Variants in TTLL9 observed in about 807,000 individuals in gnomAD.
TTLL9 encodes tubulin tyrosine ligase like 9.
A neutral mutation model predicts 65.6 loss-of-function variants in TTLL9; 47 were observed. The observed-to-expected ratio is 0.72, with a 90% CI of 0.57 to 0.91. The LOEUF (loss-of-function observed/expected upper bound fraction) is 0.91. Ranked by LOEUF, TTLL9 falls within the 40% of genes least tolerant of loss-of-function variation. The probability of loss-of-function intolerance (pLI) is 0.00; values close to 1 mark genes in which losing one functional copy is unlikely to be tolerated. For missense variants in TTLL9, 537 were observed against 568.8 expected (o/e 0.94, Z 0.57); for synonymous variants, 179 against 204.8 (o/e 0.87, Z 1.07).
Position 31,908,579 on chromosome 20 carries a change from C to A in TTLL9, c.207-12C>A. ...ACCATGACCTTTATCCCCGCCCCCA[C>A]CCCACCCCCAGCGAAGGGGAGTGGG... is the stretch of plus-strand genomic sequence containing the variant. On this transcript the variant is annotated splice_polypyrimidine_tract_variant and intron_variant, in intron 4 of 14. Transcript: ENST00000535842. 1.3e-6 allele frequency: 2 copies of A among 1,598,080 alleles called. No homozygotes were observed. Among genetic ancestry groups the A allele is most frequent in the Non-Finnish European group, 1.7e-6 (2 of 1,165,588 alleles).
chr20:31,919,523 C>G (rs539181303), intron 6 of TTLL9, among the ~76,000 whole-genome samples: 1 of 152,116 alleles, frequency 6.6e-6, no homozygotes, highest in African/African-American at 2.4e-5. Context: ...CGGAGCAAAC[C>G]CTAATTAGGA....
intron 2 of TTLL9, among the ~76,000 whole-genome samples, chr20:31,880,988 C>G (rs558053589): frequency 6.6e-5 from 10 of 151,400 alleles, no homozygotes; most frequent in African/African-American, 2.4e-4. Context: ...GCTGGGATTA[C>G]CTGTGTGTGC....
At chr20:31,939,906 C>T (rs1312707703) in intron 14 of TTLL9, 4 of 152,214 alleles carry the variant, frequency 2.6e-5, no homozygotes, top group Non-Finnish European at 4.4e-5. Flanking sequence ...GCTAGACTCT[C>T]CTGCCTCTTG....
chr20:31,888,671 G>A (rs2063233479), intron 3 of TTLL9, among the ~76,000 whole-genome samples: 1 of 152,086 alleles, frequency 6.6e-6, no homozygotes, highest in Non-Finnish European at 1.5e-5. Flanking sequence ...GAAAAGAGGT[G>A]TAATTGGCTC....
chr20:31,932,455 G>A (rs1474938949), intron 10 of TTLL9, among the ~76,000 whole-genome samples: 2 of 81,550 alleles, frequency 2.5e-5, no homozygotes, highest in Non-Finnish European at 2.5e-5. Flanking sequence ...CTGGGTGACA[G>A]AGCAAGACCC....
intron 1 of TTLL9, 40 bp from the exon 2 acceptor site, chr20:31,871,082 C>T: frequency 6.3e-7 from 1 of 1,576,050 alleles, no homozygotes. Context: ...TCCATTCATC[C>T]ATCCTCTCAC....
rs2064265984 is a variant in TTLL9, at chr20:31,943,788, C to T, written c.*767C>T. ...TAGGCCTTGTGTTTGAGATTGGGAG[C>T]TGAGCCAGAAACCGGAAAACCCTGG... On this transcript the variant is annotated 3_prime_UTR_variant, in exon 15 of 15. Coordinates refer to ENST00000535842, the MANE Select transcript of TTLL9 (RefSeq NM_001008409.5). 2.2e-6 allele frequency: 1 copy of T among 456,568 alleles called. No individual in the cohort carries two copies. Among genetic ancestry groups the T allele is most frequent in the African/African-American group, 2.0e-5 (1 of 50,040 alleles). 28.3% of individuals were successfully genotyped at this position (456,568 alleles called of 1,614,324 possible).
chr20:31,936,003 C>T (rs1266210205), intron 12 of TTLL9, among the ~76,000 whole-genome samples: 3 of 152,174 alleles, frequency 2.0e-5, no homozygotes, highest in African/African-American at 7.2e-5. Context: ...CCTGTTTCCT[C>T]ATTTGTAAAA....
chr20:31,901,542 G>A (rs899050504), intron 4 of TTLL9: 1 of 152,198 alleles, frequency 6.6e-6, no homozygotes, highest in African/African-American at 2.4e-5. Flanking sequence ...AATAGAATAC[G>A]AAATCCACAC....
intron 10 of TTLL9, among the ~76,000 whole-genome samples, chr20:31,931,078 CTT>C (rs60315473): frequency 1.4e-4 from 17 of 125,208 alleles, no homozygotes; most frequent in African/African-American, 3.6e-4. Context: ...TCCTCTTTTC[CTT>C]TTTTTTTTTT....
Position 31,870,781 on chromosome 20 carries a change from G to A in TTLL9, c.-174G>A. ...GGGGGATGTCGCCTAGAGCCCCCCG[G>A]CCGGCCCACAAACTCCCGTCCCCCT... On this transcript the variant is annotated 5_prime_UTR_variant, in exon 1 of 15. Coordinates refer to ENST00000535842, the MANE Select transcript of TTLL9 (RefSeq NM_001008409.5). The surrounding 1 kb of genome is among the most constrained non-coding windows in gnomAD (Gnocchi z 6.6). 2.0e-6 allele frequency: 1 copy of A among 490,018 alleles called. No homozygotes were observed. Among genetic ancestry groups the A allele is most frequent in the Non-Finnish European group, 3.5e-6 (1 of 287,992 alleles). The allele number at this position is 490,018 out of a possible 1,614,324, so 30.4% of individuals were successfully genotyped here. A position where few individuals can be genotyped will look rare whatever the true frequency, so the allele number is the denominator to read the frequency against.
intron 6 of TTLL9, among the ~76,000 whole-genome samples, chr20:31,911,653 A>G (rs1168421656): frequency 1.3e-5 from 2 of 152,218 alleles, no homozygotes. Flanking sequence ...GTGACCCACC[A>G]GGGCGGATTC....
intron 3 of TTLL9, among the ~76,000 whole-genome samples, chr20:31,890,741 A>C (rs1271522273): frequency 6.6e-6 from 1 of 152,216 alleles, no homozygotes; most frequent in Non-Finnish European, 1.5e-5. Flanking sequence ...CCTAAGTGAG[A>C]GATGAGAGAC....
intron 11 of TTLL9, 91 bp downstream of exon 11, chr20:31,933,949 G>T: frequency 7.6e-7 from 1 of 1,322,818 alleles, no homozygotes; most frequent in Non-Finnish European, 1.0e-6. Context: ...CCCAGGACAG[G>T]CCTGTCTGAG....
chr20:31,880,207 G>A (rs1600517954), intron 2 of TTLL9, among the ~76,000 whole-genome samples: 1 of 152,134 alleles, frequency 6.6e-6, no homozygotes, highest in African/African-American at 2.4e-5. Flanking sequence ...TGACCCCAGG[G>A]GAAGTTGAAC....
intron 2 of TTLL9, among the ~76,000 whole-genome samples, chr20:31,871,692 C>A (rs777462320): frequency 2.0e-5 from 3 of 152,014 alleles, no homozygotes; most frequent in Non-Finnish European, 2.9e-5. Flanking sequence ...GCCCAGAGTT[C>A]TCATAAATAC....
At chr20:31,879,768 G>T in intron 2 of TTLL9, 1 of 1,527,876 alleles carries the variant, frequency 6.5e-7, no homozygotes, top group Non-Finnish European at 8.8e-7. Context: ...CATGCCCTTG[G>T]CTCATCCAAT....
At chr20:31,939,290 G>A (rs369577506) in intron 14 of TTLL9, 24 bp downstream of exon 14, 1 of 1,612,368 alleles carries the variant, frequency 6.2e-7, no homozygotes, top group Non-Finnish European at 8.5e-7. Context: ...GGTGGGGAGT[G>A]GGCACAAGGG....
At chr20:31,872,438 A>G (rs2062950095) in intron 2 of TTLL9, among the ~76,000 whole-genome samples, 1 of 151,786 alleles carries the variant, frequency 6.6e-6, no homozygotes, top group Non-Finnish European at 1.5e-5. Context: ...GAACTTTGGG[A>G]GGCCAAGGCA....
Sources: allele counts gnomAD v4.1 joint callset (sites outside exome capture counted in the v4.1 genomes callset), GRCh38; gene constraint gnomAD v4.1.1; non-coding constraint Gnocchi (gnomAD v3.1); transcripts MANE v1.5; gene names NCBI Gene and HGNC (gene_info 2026-07-23, HGNC 2026-07-21).